Variants in EPHB1 observed in about 807,000 individuals in gnomAD.
EPHB1 encodes the protein ephrin type-B receptor 1.
EPHB1 carries 30 observed loss-of-function variants against 94.4 expected under a neutral mutation model. The ratio of observed to expected loss-of-function variants is 0.32; its 90% confidence interval spans 0.24 to 0.43. The LOEUF is 0.43. Among genes scored for constraint, EPHB1 ranks in the 20% least tolerant of loss-of-function variants. EPHB1 has a pLI of 1.00. For missense variants in EPHB1, 1,055 were observed against 1,308.3 expected (o/e 0.81, Z 2.99); for synonymous variants, 522 against 489.1 (o/e 1.07, Z -0.89).
At chr3:135,074,022 G>A (rs1395663988) in intron 3 of EPHB1, among the ~76,000 whole-genome samples, 3 of 152,188 alleles carry the variant, frequency 2.0e-5, no homozygotes, top group African/African-American at 7.2e-5. Context: ...TGATGTTGAT[G>A]TTAGGGATGT....
intron 3 of EPHB1, among the ~76,000 whole-genome samples, chr3:135,015,632 A>G (rs1239873553): frequency 6.6e-6 from 1 of 152,178 alleles, no homozygotes; most frequent in Admixed American, 6.5e-5. Context: ...GGCCTTTGGC[A>G]TACCCCTGAG....
intron 3 of EPHB1, among the ~76,000 whole-genome samples, chr3:135,063,815 T>G (rs548739183): frequency 6.6e-6 from 1 of 152,316 alleles, no homozygotes; most frequent in East Asian, 1.9e-4. Context: ...ACTATTATGT[T>G]GGCTGTGGGT....
At position 135,201,547 on chromosome 3, in the gene EPHB1, T is replaced by C; in HGVS notation, c.2204T>C (p.Leu735Pro). Reference protein sequence around the residue: ...LRGIAAGMKYLAEMNYVHRDL... With the variant: ...LRGIAAGMKYPAEMNYVHRDL... ...GGCATCGCTGCTGGCATGAAGTACC[T>C]GGCTGAGATGAATTATGTGCATCGG... Residue 735 changes from leucine (L) to proline (P), a missense_variant, in exon 12 of 16, where the codon CTG (leucine) becomes CCG (proline). Leu to Pro is a moderately conservative substitution (Grantham distance 98). Transcript: ENST00000398015. The C allele has an allele frequency of 6.2e-7, 1 of 1,614,034 alleles. No homozygotes were observed. Among genetic ancestry groups the C allele is most frequent in the Non-Finnish European group, 8.5e-7 (1 of 1,180,006 alleles).
intron 1 of EPHB1, among the ~76,000 whole-genome samples, chr3:134,817,726 G>A (rs968422590): frequency 6.6e-6 from 1 of 152,208 alleles, no homozygotes; most frequent in Non-Finnish European, 1.5e-5. Flanking sequence ...CCCATGTATG[G>A]GAAATGCTTT....
chr3:134,951,338 T>C lies in EPHB1; in HGVS notation c.124-33T>C. On this transcript the variant is annotated intron_variant, in intron 2 of 15. Transcript: ENST00000398015. The surrounding 1 kb of genome is among the most constrained non-coding windows in gnomAD (Gnocchi z 4.5). Reference sequence around the variant, plus strand: ...ATTCTCACTCTCTATTTTGTGTTTTTGCATGTGTGTGCCTGTGGCCTGCTA... The same window carrying C: ...ATTCTCACTCTCTATTTTGTGTTTTCGCATGTGTGTGCCTGTGGCCTGCTA... 9 of 1,507,134 alleles carry C rather than the reference T, an allele frequency of 6.0e-6. No individual in the cohort carries two copies. Among genetic ancestry groups the C allele is most frequent in the Non-Finnish European group, 8.0e-6 (9 of 1,126,636 alleles). 93.4% of individuals were successfully genotyped at this position (1,507,134 alleles called of 1,614,324 possible).
rs1943979358 is a variant in EPHB1, at chr3:135,248,433, G to T, written c.2614G>T (p.Ala872Ser). 1 of 1,613,820 alleles carries T rather than the reference G, an allele frequency of 6.2e-7. No individual in the cohort carries two copies. The highest frequency in any genetic ancestry group is 8.5e-7 in the Non-Finnish European group (1 of 1,179,888). The change falls in exon 14 of 16, where the codon GCG (alanine) becomes TCG (serine). Residue 872 changes from alanine (A) to serine (S), a missense_variant. Physicochemically the swap from Ala to Ser is moderately conservative, Grantham distance 99. Coordinates refer to ENST00000398015, the MANE Select transcript of EPHB1 (RefSeq NM_004441.5). ...QKDRNSRPRF[A>S]EIVNTLDKMI... is the part of the protein sequence containing the mutation. ...GGACCGGAACAGCCGGCCCCGGTTT[G>T]CGGAGATTGTCAACACCCTAGATAA...
rs748534448 is a variant in EPHB1 at position 135,165,982 on chromosome 3, G to A, written c.1600G>A (p.Glu534Lys). ...TTCTCACCTAGATGATTACAAGTCA[G>A]AGCTGAGGGAGCAGCTGCCCCTGAT... The part of the protein sequence containing the change: ...QTLTDDDYKS[E>K]LREQLPLIAG... The change falls in exon 8 of 16, where the codon GAG (glutamate) becomes AAG (lysine). Residue 534 changes from glutamate (E) to lysine (K), a missense_variant. Coordinates refer to ENST00000398015, the MANE Select transcript of EPHB1 (RefSeq NM_004441.5). 6.2e-7 allele frequency: 1 copy of A among 1,613,960 alleles called. No individual in the cohort carries two copies. The highest frequency in any genetic ancestry group is 1.7e-5 in the Admixed American group (1 of 60,026).
At chr3:135,111,828 C>T (rs1244558785) in intron 4 of EPHB1, among the ~76,000 whole-genome samples, 4 of 152,054 alleles carry the variant, frequency 2.6e-5, no homozygotes, top group Non-Finnish European at 4.4e-5. Context: ...TACAGGTGCT[C>T]GCCACCAGAC....
At chr3:134,867,893 C>G (rs1411975623) in intron 1 of EPHB1, among the ~76,000 whole-genome samples, 1 of 152,112 alleles carries the variant, frequency 6.6e-6, no homozygotes, top group Non-Finnish European at 1.5e-5. Flanking sequence ...ACAGTTTCTT[C>G]AGTCTGTAAT....
intron 7 of EPHB1, 33 bp from the exon 8 acceptor site, chr3:135,165,935 T>G (rs151194442): frequency 6.5e-7 from 1 of 1,532,184 alleles, no homozygotes; most frequent in South Asian, 1.1e-5. Flanking sequence ...AAAAGGCACA[T>G]GGGGAGGATT....
intron 14 of EPHB1, 84 bp from the exon 15 acceptor site, chr3:135,249,252 A>G: frequency 6.9e-7 from 1 of 1,446,216 alleles, no homozygotes; most frequent in Non-Finnish European, 9.3e-7. Context: ...GCTGCCTTCC[A>G]TGAAGTCAGC....
At chr3:134,912,995 G>A (rs2038486681) in intron 1 of EPHB1, among the ~76,000 whole-genome samples, 1 of 152,178 alleles carries the variant, frequency 6.6e-6, no homozygotes, top group South Asian at 2.1e-4. Context: ...ATAAGGCAAA[G>A]GACTGTGGCT....
intron 3 of EPHB1, among the ~76,000 whole-genome samples, chr3:135,023,429 G>C (rs1209902983): frequency 2.0e-5 from 3 of 152,134 alleles, no homozygotes; most frequent in Non-Finnish European, 4.4e-5. Flanking sequence ...TTAGATGCCA[G>C]TAGCACCCCC....
At chr3:135,105,465 G>A (rs957799783) in intron 3 of EPHB1, among the ~76,000 whole-genome samples, 17 of 152,140 alleles carry the variant, frequency 1.1e-4, no homozygotes, top group Admixed American at 5.9e-4. Flanking sequence ...AGATAATAAG[G>A]AAGGGCCTTG....
chr3:134,913,111 G>A lies in EPHB1; in HGVS notation c.59-12705G>A, dbSNP rs577631436. Reference sequence around the variant, plus strand: ...GACTTCATCTTTATTGGAGAGCAGCGTCAGTCCTTGCATCCATAGTCGCCC... The same window carrying A: ...GACTTCATCTTTATTGGAGAGCAGCATCAGTCCTTGCATCCATAGTCGCCC... On this transcript the variant is annotated intron_variant, in intron 1 of 15. Coordinates refer to ENST00000398015, the MANE Select transcript of EPHB1 (RefSeq NM_004441.5). 1.9e-3 allele frequency among the ~76,000 whole-genome samples: 290 copies of A among 152,260 alleles called. 1 individual carries two copies. Among genetic ancestry groups the A allele is most frequent in the Admixed American group, 4.4e-3 (67 of 15,294 alleles).
At chr3:134,924,382 TCTCAAA>T (rs2038747659) in intron 1 of EPHB1, among the ~76,000 whole-genome samples, 1 of 151,916 alleles carries the variant, frequency 6.6e-6, no homozygotes, top group South Asian at 2.1e-4. Context: ...TATAAAGACC[TCTCAAA>T]CTCAATAATA....
intron 1 of EPHB1, among the ~76,000 whole-genome samples, chr3:134,810,462 C>A (rs1047838485): frequency 6.6e-6 from 1 of 152,182 alleles, no homozygotes; most frequent in Non-Finnish European, 1.5e-5. Context: ...ATGGAAGACG[C>A]TATTCAGGAA....
chr3:135,107,500 C>T (rs565381960), intron 4 of EPHB1, among the ~76,000 whole-genome samples: 15 of 152,342 alleles, frequency 9.8e-5, no homozygotes, highest in African/African-American at 3.6e-4. Context: ...GGAGTCAGTG[C>T]TCCAGGTTAG....
At chr3:135,240,570 C>T (rs1197963319) in intron 12 of EPHB1, among the ~76,000 whole-genome samples, 2 of 152,136 alleles carry the variant, frequency 1.3e-5, no homozygotes, top group African/African-American at 2.4e-5. Flanking sequence ...ACCATTCAAC[C>T]CTCATGAAGC....
Sources: allele counts gnomAD v4.1 joint callset (sites outside exome capture counted in the v4.1 genomes callset), GRCh38; gene constraint gnomAD v4.1.1; non-coding constraint Gnocchi (gnomAD v3.1); transcripts MANE v1.5; gene names NCBI Gene and HGNC (gene_info 2026-07-23, HGNC 2026-07-21).